Variants in NBPF11 observed in about 807,000 individuals in gnomAD.
The protein encoded by NBPF11 is NBPF family member NBPF11.
Under a neutral mutation model 93.9 loss-of-function variants are expected in NBPF11, and 72 were observed. The ratio of observed to expected loss-of-function variants is 0.77; its 90% confidence interval spans 0.63 to 0.93. NBPF11 has a LOEUF of 0.93. Among genes scored for constraint, NBPF11 ranks in the 40% least tolerant of loss-of-function variants. The pLI, the probability that NBPF11 is intolerant of heterozygous loss-of-function variation, is 0.00. For missense variants in NBPF11, 705 were observed against 802.2 expected (o/e 0.88, Z 1.46); for synonymous variants, 224 against 304.9 (o/e 0.73, Z 2.76).
rs1673491411 is a variant in NBPF11 at position 148,148,087 on chromosome 1, A to G, written c.-549+3663T>C. On this transcript the variant is annotated intron_variant, in intron 1 of 23. Coordinates refer to ENST00000682118, the MANE Select transcript of NBPF11 (RefSeq NM_001385469.3). Reference sequence around the variant, plus strand: ...TGGCAGGGCTGGGCTGGCTCAGCACACTACTGACCATGGCTGCCAGGGAGC... The same window carrying G: ...TGGCAGGGCTGGGCTGGCTCAGCACGCTACTGACCATGGCTGCCAGGGAGC... 3.3e-5 allele frequency among the ~76,000 whole-genome samples: 5 copies of G among 152,272 alleles called. No individual in the cohort carries two copies. The East Asian group carries it at 7.7e-4, about 24-fold the overall frequency.
At chr1:148,148,268 G>A (rs1647256416) in intron 1 of NBPF11, among the ~76,000 whole-genome samples, 1 of 152,254 alleles carries the variant, frequency 6.6e-6, no homozygotes. Context: ...CGAATGCCAG[G>A]CAGAGGGGAC....
chr1:148,151,404 C>T (rs1648283903), intron 1 of NBPF11, among the ~76,000 whole-genome samples: 3 of 152,144 alleles, frequency 2.0e-5, no homozygotes, highest in South Asian at 2.1e-4. Context: ...CCAGAAAGAA[C>T]GGCCTCGAGG....
chr1:148,121,780 T>C (rs1667928546), intron 9 of NBPF11, among the ~76,000 whole-genome samples: 1 of 152,152 alleles, frequency 6.6e-6, no homozygotes, highest in Non-Finnish European at 1.5e-5. Flanking sequence ...CAGTTGGGAC[T>C]ATAGGCGGGC....
In NBPF11 at chr1:148,127,909, C is replaced by T. The variant is rs1238182932; in HGVS notation, c.-35-871G>A. Among the ~76,000 whole-genome samples, 543 of 151,456 alleles carry T rather than the reference C, an allele frequency of 3.6e-3. 1 individual carries two copies. Among genetic ancestry groups the T allele is most frequent in the African/African-American group, 0.013 (529 of 40,762 alleles). On this transcript the variant is annotated intron_variant, in intron 4 of 23. Coordinates refer to ENST00000682118, the MANE Select transcript of NBPF11 (RefSeq NM_001385469.3). ...CTGACCTCGTGATCTGCCGCCTCGG[C>T]CTCCCAAAGTGCTGGGATTACAGGC... is the stretch of plus-strand genomic sequence containing the variant.
At position 148,110,310 on chromosome 1, in the gene NBPF11, C is replaced by T. The variant is rs1664943857; in HGVS notation, c.1801+68G>A. 5 of 1,556,212 alleles carry T rather than the reference C, an allele frequency of 3.2e-6. 1 individual carries two copies. The highest frequency in any genetic ancestry group is 1.1e-5 in the South Asian group (1 of 89,552). ...TCTCAGCCCAACCAGGGGCACAAGG[C>T]CCAAAGATTATGGGGTCTACCTGGG... On this transcript the variant is annotated intron_variant, in intron 16 of 23. Transcript: ENST00000682118.
chr1:148,108,310 C>G (rs1553267723), intron 18 of NBPF11, among the ~76,000 whole-genome samples, 172 bp downstream of exon 18: 1 of 151,680 alleles, frequency 6.6e-6, no homozygotes, highest in Non-Finnish European at 1.5e-5. Context: ...ACTGACCCAT[C>G]CCTTGTCTGG....
intron 15 of NBPF11, among the ~76,000 whole-genome samples, chr1:148,110,969 T>C (rs1665110236): frequency 6.6e-6 from 1 of 151,712 alleles, no homozygotes. Flanking sequence ...TTTGATATAA[T>C]ATATTTACTT....
At chr1:148,133,360 T>TA (rs1402577184) in intron 4 of NBPF11, among the ~76,000 whole-genome samples, 76 of 152,192 alleles carry the variant, frequency 5.0e-4, no homozygotes, top group Admixed American at 1.7e-3. Flanking sequence ...AATGCTGAAT[T>TA]AAAAGAGTAA....
At position 148,122,794 on chromosome 1, in the gene NBPF11, G is replaced by A. The variant is rs61812007; in HGVS notation, c.501C>T (p.Asp167=). 5.3e-5 allele frequency: 85 copies of A among 1,609,626 alleles called. No individual in the cohort carries two copies. In the East Asian group the frequency reaches 5.6e-4, roughly 11 times the overall value. Residue 167 remains aspartate (D), a synonymous_variant, in exon 8 of 24, where the codon GAC becomes GAT. Coordinates refer to ENST00000682118, the MANE Select transcript of NBPF11 (RefSeq NM_001385469.3). The part of the protein sequence containing the change: ...HLVQKLSPEN[D]EDEDEDVQVE... ...CTTGAACATCTTCATCCTCATCTTC[G>A]TCATTTTCTATAAATACAAAATGTT...
At position 148,118,706 on chromosome 1, in the gene NBPF11, T is replaced by G. The variant is rs1205250703; in HGVS notation, c.1005A>C (p.Lys335Asn). ...TCCTCAGCATAGATTTTATGAGGTC[T>G]TTGCACTCTTCATATTCTGAGAAAA... The part of the protein sequence containing the change: ...QQNKYKYEEC[K>N]DLIKSMLRNE... The change falls in exon 11 of 24, where the codon AAA becomes AAC. Residue 335 changes from lysine to asparagine, a missense_variant. Physicochemically the swap from Lys to Asn is moderately conservative, Grantham distance 94. Around this residue, in one of 12 missense-constraint regions of NBPF11, gnomAD observed 262 missense variants for 223.1 expected, o/e 1.17. Coordinates refer to ENST00000682118, the MANE Select transcript of NBPF11 (RefSeq NM_001385469.3). The G allele has an allele frequency of 6.2e-7, 1 of 1,612,626 alleles. No homozygotes were observed. The highest frequency in any genetic ancestry group is 8.5e-7 in the Non-Finnish European group (1 of 1,179,824).
chr1:148,135,905 G>A, intron 3 of NBPF11, 92 bp from the exon 4 acceptor site: 1 of 890,486 alleles, frequency 1.1e-6, no homozygotes, highest in Non-Finnish European at 1.8e-6. Flanking sequence ...GTTCACTTGA[G>A]TGCCCTGTGT....
chr1:148,151,357 C>T (rs1648267475), intron 1 of NBPF11, among the ~76,000 whole-genome samples: 1 of 151,994 alleles, frequency 6.6e-6, no homozygotes, highest in South Asian at 2.1e-4. Flanking sequence ...CCCAACTTTG[C>T]AAGTCAGGGG....
intron 8 of NBPF11, among the ~76,000 whole-genome samples, chr1:148,122,526 C>G (rs1357363741): frequency 3.0e-4 from 45 of 152,140 alleles, no homozygotes; most frequent in Middle Eastern, 3.4e-3. Flanking sequence ...CTCAGCTATC[C>G]CTGTATGGTA....
At position 148,102,434 on chromosome 1, in the gene NBPF11, T is replaced by G. The variant is rs1309434793; in HGVS notation, c.*1462A>C. 1.3e-5 allele frequency: 2 copies of G among 151,832 alleles called. No homozygotes were observed. The highest frequency in any genetic ancestry group is 4.9e-5 in the African/African-American group (2 of 41,150). The allele number at this position is 151,832 out of a possible 1,614,324, so 9.4% of individuals were successfully genotyped here. On this transcript the variant is annotated 3_prime_UTR_variant, in exon 24 of 24. Coordinates refer to ENST00000682118, the MANE Select transcript of NBPF11 (RefSeq NM_001385469.3). Reference sequence around the variant, plus strand: ...CCCAAGTACTTCATTATAAGTAAGGTGTCTCTAAAAGGGACAGATCTCCTA... The same window carrying G: ...CCCAAGTACTTCATTATAAGTAAGGGGTCTCTAAAAGGGACAGATCTCCTA...
At chr1:148,144,611 T>C (rs1672710606) in intron 1 of NBPF11, among the ~76,000 whole-genome samples, 1 of 152,002 alleles carries the variant, frequency 6.6e-6, no homozygotes, top group South Asian at 2.1e-4. Flanking sequence ...TAATGAATAC[T>C]ATATTTACAA....
intron 19 of NBPF11, among the ~76,000 whole-genome samples, 199 bp from the exon 20 acceptor site, chr1:148,107,313 GGA>G (rs1190300045): frequency 3.4e-5 from 5 of 148,364 alleles, no homozygotes; most frequent in Non-Finnish European, 6.0e-5. Flanking sequence ...ACAGGGAGAG[GGA>G]GAGAGAGAGA....
intron 6 of NBPF11, among the ~76,000 whole-genome samples, chr1:148,124,541 C>G (rs1350728723): frequency 6.6e-6 from 1 of 151,256 alleles, no homozygotes; most frequent in South Asian, 2.1e-4. Flanking sequence ...AATGAGAAGA[C>G]GCAGTCAGTC....
In NBPF11 at chr1:148,126,883, T is replaced by G; in HGVS notation, c.121A>C (p.Arg41=). The G allele has an allele frequency of 6.9e-7, 1 of 1,459,854 alleles. No individual in the cohort carries two copies. The highest frequency in any genetic ancestry group is 9.5e-7 in the Non-Finnish European group (1 of 1,054,784). 90.4% of individuals were successfully genotyped at this position (1,459,854 alleles called of 1,614,324 possible). The part of the protein sequence containing the change: ...NKQQFRNLKE[R]CFLTQLAGFL... ...CCGGCCAGTTGAGTTAGAAAACATCTCTCTTTGAGGTTTCTGAACTGCTGT... is the reference window on the plus strand; with the variant it reads ...CCGGCCAGTTGAGTTAGAAAACATCGCTCTTTGAGGTTTCTGAACTGCTGT... Residue 41 remains arginine, a synonymous_variant, in exon 5 of 24, where the codon AGA becomes CGA. Coordinates refer to ENST00000682118, the MANE Select transcript of NBPF11 (RefSeq NM_001385469.3).
intron 4 of NBPF11, among the ~76,000 whole-genome samples, chr1:148,133,489 C>T (rs2149270978): frequency 6.6e-6 from 1 of 152,014 alleles, no homozygotes; most frequent in South Asian, 2.1e-4. Flanking sequence ...GAAGTGTTGC[C>T]TTCTGTTCTC....
Sources: allele counts gnomAD v4.1 joint callset (sites outside exome capture counted in the v4.1 genomes callset), GRCh38; gene constraint gnomAD v4.1.1; regional missense constraint gnomAD v4.1.1; transcripts MANE v1.5; gene names NCBI Gene and HGNC (gene_info 2026-07-23, HGNC 2026-07-21).